MAML3: variants seen among roughly 807,000 people sequenced by gnomAD.
The protein encoded by MAML3 is mastermind like transcriptional coactivator 3, also known as mastermind-like protein 3.
A neutral mutation model predicts 101.9 loss-of-function variants in MAML3; 27 were observed. That is an observed-to-expected ratio of 0.27 (90% confidence interval 0.20 to 0.37). MAML3 has a LOEUF of 0.37. MAML3 is among the 10% of genes least tolerant of loss of function. The pLI is 1.00. For synonymous variants in MAML3, 501 were observed against 555.9 expected, an observed-to-expected ratio of 0.90 and a Z score of 1.39; for missense variants, 1,316 against 1,444.9, an observed-to-expected ratio of 0.91 and a Z score of 1.45.
At chr4:139,756,613 G>A (rs1729656378) in intron 2 of MAML3, among the ~76,000 whole-genome samples, 1 of 152,128 alleles carries the variant, frequency 6.6e-6, no homozygotes, top group South Asian at 2.1e-4. Context: ...AAACACTTCT[G>A]GAAATGACTT....
At chr4:140,018,004 T>A (rs892632168) in intron 1 of MAML3, among the ~76,000 whole-genome samples, 1 of 151,972 alleles carries the variant, frequency 6.6e-6, no homozygotes, top group Admixed American at 6.6e-5. Context: ...AATAAAAAGG[T>A]TAATTTTAAA....
At chr4:139,984,297 T>G (rs1734497295) in intron 1 of MAML3, among the ~76,000 whole-genome samples, 1 of 152,040 alleles carries the variant, frequency 6.6e-6, no homozygotes, top group South Asian at 2.1e-4. Flanking sequence ...AATAGATGGA[T>G]GGTGATATCA....
chr4:139,934,779 G>C (rs543896773), intron 1 of MAML3, among the ~76,000 whole-genome samples: 1 of 152,304 alleles, frequency 6.6e-6, no homozygotes, highest in South Asian at 2.1e-4. Context: ...CTGGTGGGTT[G>C]CTGATGTTGT....
At chr4:139,880,170 C>G (rs1341390861) in intron 2 of MAML3, among the ~76,000 whole-genome samples, 1 of 144,558 alleles carries the variant, frequency 6.9e-6, no homozygotes, top group Non-Finnish European at 1.5e-5. Flanking sequence ...GAGACTCCAT[C>G]TCAAAATTGA....
intron 1 of MAML3, among the ~76,000 whole-genome samples, chr4:139,980,686 T>A (rs111514732): frequency 2.1e-4 from 32 of 152,338 alleles, no homozygotes; most frequent in Non-Finnish European, 3.7e-4. Flanking sequence ...GTCTGCTATG[T>A]AGTCAGCACT....
rs1429394359 is a variant in MAML3 at position 139,718,469 on chromosome 4, G to A, written c.*854C>T. 2 of 152,346 alleles carry A rather than the reference G, an allele frequency of 1.3e-5. No individual in the cohort carries two copies. Among genetic ancestry groups the A allele is most frequent in the Non-Finnish European group, 2.9e-5 (2 of 68,158 alleles). 9.4% of individuals were successfully genotyped at this position (152,346 alleles called of 1,614,324 possible). ...CAGGCTGGCAGACACACAGGGTCCA[G>A]TAGGGGTTTCCCTGCCCTGCGGCCG... On this transcript the variant is annotated 3_prime_UTR_variant, in exon 5 of 5. Coordinates refer to ENST00000509479, the MANE Select transcript of MAML3 (RefSeq NM_018717.5).
intron 2 of MAML3, among the ~76,000 whole-genome samples, chr4:139,768,100 A>G (rs1167817074): frequency 6.6e-6 from 1 of 151,990 alleles, no homozygotes; most frequent in Non-Finnish European, 1.5e-5. Flanking sequence ...CCCACTTTTT[A>G]ATGAGTTTTG....
chr4:139,841,873 G>A (rs1476979691), intron 2 of MAML3, among the ~76,000 whole-genome samples: 5 of 152,186 alleles, frequency 3.3e-5, no homozygotes, highest in East Asian at 1.9e-4. Context: ...GGTGAGCAGC[G>A]CAGAGCTTCC....
intron 1 of MAML3, among the ~76,000 whole-genome samples, chr4:140,084,128 T>C (rs1253771121): frequency 6.6e-6 from 1 of 152,186 alleles, no homozygotes; most frequent in African/African-American, 2.4e-5. Flanking sequence ...TAAGTATTTA[T>C]TGGATGAATG....
At chr4:139,810,441 C>T (rs1388057016) in intron 2 of MAML3, among the ~76,000 whole-genome samples, 7 of 152,018 alleles carry the variant, frequency 4.6e-5, no homozygotes, top group Non-Finnish European at 7.4e-5. Context: ...CCTCTCATCT[C>T]GGCCTCCCAA....
chr4:139,926,793 T>C (rs1733272081), intron 1 of MAML3, among the ~76,000 whole-genome samples: 1 of 152,230 alleles, frequency 6.6e-6, no homozygotes, highest in African/African-American at 2.4e-5. Context: ...CATAGCATAA[T>C]TATCCTCATA....
chr4:140,020,095 AT>A lies in MAML3; in HGVS notation c.469-129129del, dbSNP rs1398826228. ...TCTTCCCACTGCAAACACCAATGCT[AT>A]TTTTTTTCCCTCCTGACCTTTGTCA... On this transcript the variant is annotated intron_variant, in intron 1 of 4. Transcript: ENST00000509479. Among the ~76,000 whole-genome samples the A allele has an allele frequency of 6.6e-5, 10 of 151,828 alleles. No homozygotes were observed. In the South Asian group the frequency reaches 1.7e-3, roughly 25 times the overall value.
chr4:140,004,836 T>G (rs1255371402), intron 1 of MAML3, among the ~76,000 whole-genome samples: 1 of 151,964 alleles, frequency 6.6e-6, no homozygotes, highest in Non-Finnish European at 1.5e-5. Context: ...GGGCTACCGT[T>G]TTCCTTAGGT....
intron 1 of MAML3, among the ~76,000 whole-genome samples, chr4:140,062,786 CAT>C (rs1727468811): frequency 6.6e-6 from 1 of 152,196 alleles, no homozygotes; most frequent in Non-Finnish European, 1.5e-5. Context: ...AGTTCCAGGA[CAT>C]AGATTTTGAG....
chr4:140,080,250 A>G (rs1173820104), intron 1 of MAML3, among the ~76,000 whole-genome samples: 1 of 152,258 alleles, frequency 6.6e-6, no homozygotes, highest in Admixed American at 6.5e-5. Flanking sequence ...AAATGCCTGC[A>G]GAAAAGGCAA....
chr4:139,800,087 C>A (rs1291275673), intron 2 of MAML3, among the ~76,000 whole-genome samples: 2 of 152,048 alleles, frequency 1.3e-5, no homozygotes, highest in Non-Finnish European at 2.9e-5. Flanking sequence ...AAATTTATGA[C>A]AAACCATATT....
chr4:139,784,321 C>G (rs1038474848), intron 2 of MAML3, among the ~76,000 whole-genome samples: 9 of 152,268 alleles, frequency 5.9e-5, no homozygotes, highest in African/African-American at 2.2e-4. Context: ...AGAACACTTC[C>G]AATTTCCTGT....
intron 2 of MAML3, among the ~76,000 whole-genome samples, chr4:139,825,715 ATCACG>A (rs1731049392): frequency 1.3e-5 from 2 of 151,918 alleles, no homozygotes; most frequent in African/African-American, 4.8e-5. Flanking sequence ...AACATCTCTC[ATCACG>A]TCACTGACCT....
At chr4:139,882,422 G>C (rs1369135863) in intron 2 of MAML3, among the ~76,000 whole-genome samples, 18 of 151,326 alleles carry the variant, frequency 1.2e-4, no homozygotes, top group Admixed American at 1.2e-3. Flanking sequence ...TATTAGAAAA[G>C]TTATCAGAGT....
Sources: allele counts gnomAD v4.1 joint callset (sites outside exome capture counted in the v4.1 genomes callset), GRCh38; gene constraint gnomAD v4.1.1; transcripts MANE v1.5; gene names NCBI Gene and HGNC (gene_info 2026-07-23, HGNC 2026-07-21).